The following FRMPD4 variants were observed in gnomAD, a reference collection of about 807,000 sequenced individuals.
FRMPD4 encodes FERM and PDZ domain-containing protein 4.
Under a neutral mutation model 94.1 loss-of-function variants are expected in FRMPD4, and 22 were observed. The observed-to-expected ratio is 0.23, with a 90% CI of 0.17 to 0.33. The LOEUF (loss-of-function observed/expected upper bound fraction) is 0.33, where lower values mean the gene tolerates loss of function less well. Ranked by LOEUF, FRMPD4 falls within the 10% of genes least tolerant of loss-of-function variation. FRMPD4 has a pLI of 1.00. For synonymous variants in FRMPD4, 631 were observed against 548.6 expected (o/e 1.15, Z -2.10); for missense variants, 1,111 against 1,339.9 (o/e 0.83, Z 2.67).
intron 3 of FRMPD4, among the ~76,000 whole-genome samples, chrX:12,039,698 G>A (rs1296989419): frequency 2.7e-5 from 3 of 110,500 alleles, no homozygotes; most frequent in Non-Finnish European, 5.7e-5. Context: ...GGCTGGATAC[G>A]GTGGCTCATG....
chrX:12,001,364 T>C (rs928800627), intron 3 of FRMPD4, among the ~76,000 whole-genome samples: 3 of 112,506 alleles, frequency 2.7e-5, no homozygotes, highest in Non-Finnish European at 5.6e-5. Flanking sequence ...TTCAGTTGAC[T>C]TTTCTGATGA....
chrX:12,340,569 C>T (rs765824840), intron 1 of FRMPD4, among the ~76,000 whole-genome samples: 1 of 111,735 alleles, frequency 8.9e-6, no homozygotes, highest in Non-Finnish European at 1.9e-5. Context: ...GTACATGTAA[C>T]AAGTTGTCTC....
At chrX:12,184,120 C>T (rs1300865887) in intron 1 of FRMPD4, among the ~76,000 whole-genome samples, 2 of 110,971 alleles carry the variant, frequency 1.8e-5, no homozygotes, top group Non-Finnish European at 3.8e-5. Context: ...ATTGTATTCA[C>T]CAGTAGTCTG....
chrX:12,325,391 T>C (rs891486610), intron 1 of FRMPD4, among the ~76,000 whole-genome samples: 1 of 112,649 alleles, frequency 8.9e-6, no homozygotes, highest in African/African-American at 3.2e-5. Context: ...GTAATCCAAC[T>C]GCATTATTCA....
At chrX:12,502,918 T>G (rs1215448423) in intron 2 of FRMPD4, among the ~76,000 whole-genome samples, 1 of 112,189 alleles carries the variant, frequency 8.9e-6, no homozygotes, top group Non-Finnish European at 1.9e-5. Context: ...CAGCACCTCC[T>G]TTTGCTCTCA....
At chrX:11,997,166 C>T (rs1159846338) in intron 3 of FRMPD4, among the ~76,000 whole-genome samples, 1 of 110,311 alleles carries the variant, frequency 9.1e-6, no homozygotes, top group Admixed American at 9.7e-5. Context: ...AATAGCAAGC[C>T]CTGAAGATTA....
intron 3 of FRMPD4, among the ~76,000 whole-genome samples, chrX:12,112,389 G>A (rs1450026998): frequency 2.7e-5 from 3 of 110,361 alleles, no homozygotes; most frequent in Non-Finnish European, 3.8e-5. Flanking sequence ...GACACAGGGC[G>A]GGGAACATCA....
chrX:11,826,136 A>G (rs969253875), intron 1 of FRMPD4, among the ~76,000 whole-genome samples: 10 of 112,334 alleles, frequency 8.9e-5, no homozygotes, highest in Non-Finnish European at 1.9e-4. Context: ...CAGGACTGCC[A>G]TTTAGTTTTT....
intron 3 of FRMPD4, among the ~76,000 whole-genome samples, chrX:12,039,967 CAAAAAAAAA>C (rs367795862): frequency 2.2e-4 from 7 of 32,020 alleles, no homozygotes; most frequent in Non-Finnish European, 4.3e-4. Flanking sequence ...AAAACTTTGT[CAAAAAAAAA>C]AAAAAAAAGA....
intron 3 of FRMPD4, among the ~76,000 whole-genome samples, chrX:12,086,078 C>CGT (rs1204927786): frequency 4.0e-4 from 21 of 53,141 alleles, no homozygotes; most frequent in Non-Finnish European, 8.2e-4. Flanking sequence ...TGTCTGTGTG[C>CGT]GTGTGTGTGT....
At chrX:12,018,145 A>AC (rs1465467100) in intron 3 of FRMPD4, among the ~76,000 whole-genome samples, 1 of 111,086 alleles carries the variant, frequency 9.0e-6, no homozygotes, top group African/African-American at 3.3e-5. Context: ...GGAAAAAAAA[A>AC]AACAACCAGG....
At chrX:11,992,101 A>G (rs1437080845) in intron 3 of FRMPD4, among the ~76,000 whole-genome samples, 3 of 108,557 alleles carry the variant, frequency 2.8e-5, no homozygotes, top group Non-Finnish European at 3.8e-5. Flanking sequence ...TCTGAGTGCT[A>G]TAATAGGCTT....
At chrX:12,028,034 T>C (rs1286259594) in intron 3 of FRMPD4, among the ~76,000 whole-genome samples, 2 of 112,199 alleles carry the variant, frequency 1.8e-5, no homozygotes, top group African/African-American at 6.5e-5. Flanking sequence ...ATTAGTGGCT[T>C]AAAAAACATG....
At chrX:12,362,733 G>T (rs1223220734) in intron 1 of FRMPD4, among the ~76,000 whole-genome samples, 1 of 111,580 alleles carries the variant, frequency 9.0e-6, no homozygotes, top group Non-Finnish European at 1.9e-5. Context: ...TAATGGGATG[G>T]CTGGGTCAAA....
chrX:12,170,984 A>G (rs2074054), intron 1 of FRMPD4, among the ~76,000 whole-genome samples: 8,518 of 113,312 alleles, frequency 0.075, 896 homozygotes, highest in East Asian at 0.6. Flanking sequence ...ATGATAGCGC[A>G]CTGCGCTTAA....
chrX:12,249,719 TTGGG>T (rs2054007217), intron 1 of FRMPD4, among the ~76,000 whole-genome samples: 1 of 111,520 alleles, frequency 9.0e-6, no homozygotes, highest in Non-Finnish European at 1.9e-5. Context: ...AGAAGACCAT[TTGGG>T]CAGTTTTCAG....
At chrX:12,095,880 C>T (rs2055196363) in intron 3 of FRMPD4, among the ~76,000 whole-genome samples, 2 of 112,348 alleles carry the variant, frequency 1.8e-5, no homozygotes, top group East Asian at 2.8e-4. Flanking sequence ...CTCTGTTGTG[C>T]CTTAGTGTTT....
intron 1 of FRMPD4, among the ~76,000 whole-genome samples, chrX:12,333,806 G>A (rs12007524): frequency 0.032 from 3,592 of 111,618 alleles, 131 homozygotes; most frequent in African/African-American, 0.11. Context: ...AAGCATACAC[G>A]CTCCTGGCTG....
rs1162316348 is a variant in FRMPD4, at chrX:12,453,067, G to T, written c.42-45613G>T. On this transcript the variant is annotated intron_variant, in intron 1 of 16. Transcript: ENST00000675598. ...AATAAAATAAAAAACCACCTATTTG[G>T]CATTGTTACTTAGAGGCAAGTAGTA... 2.7e-5 allele frequency among the ~76,000 whole-genome samples: 3 copies of T among 112,254 alleles called. No homozygotes were observed. In the East Asian group the frequency reaches 8.3e-4, roughly 31 times the overall value.
Sources: gnomAD v4.1 joint callset for allele counts (sites outside exome capture counted in the v4.1 genomes callset) on GRCh38, gnomAD v4.1.1 for gene constraint, MANE v1.5 for transcripts, NCBI Gene and HGNC (gene_info 2026-07-23, HGNC 2026-07-21) for gene names.